PUM1: variants seen among roughly 807,000 people sequenced by gnomAD.
PUM1 encodes pumilio homolog 1.
A neutral mutation model predicts 131.8 loss-of-function variants in PUM1; 13 were observed. The ratio of observed to expected loss-of-function variants is 0.10; its 90% confidence interval spans 0.06 to 0.16. PUM1 has a LOEUF of 0.16. PUM1 is among the 10% of genes least tolerant of loss of function. The probability of loss-of-function intolerance (pLI) is 1.00; values close to 1 mark genes in which losing one functional copy is unlikely to be tolerated. For missense variants in PUM1, 961 were observed against 1,512.4 expected (o/e 0.64, Z 6.05); for synonymous variants, 509 against 556.5 (o/e 0.91, Z 1.20).
At chr1:30,964,039 T>C (rs978536157) in intron 14 of PUM1, among the ~76,000 whole-genome samples, 11 of 152,332 alleles carry the variant, frequency 7.2e-5, no homozygotes, top group African/African-American at 2.4e-4. Context: ...TCTTATAGCC[T>C]GCTGCTTGGG....
chr1:30,977,033 AC>A (rs1641162257), intron 9 of PUM1, among the ~76,000 whole-genome samples: 1 of 152,242 alleles, frequency 6.6e-6, no homozygotes, highest in Non-Finnish European at 1.5e-5. Flanking sequence ...CAGAAGTGTT[AC>A]CGATTTCAGA....
intron 16 of PUM1, among the ~76,000 whole-genome samples, chr1:30,950,629 G>A (rs898904888): frequency 1.3e-5 from 2 of 152,374 alleles, no homozygotes; most frequent in African/African-American, 4.8e-5. Flanking sequence ...GGAGGCCAAG[G>A]AGGGTGGATC....
At chr1:30,999,676 C>T (rs1355040133) in intron 5 of PUM1, among the ~76,000 whole-genome samples, 1 of 139,818 alleles carries the variant, frequency 7.2e-6, no homozygotes, top group African/African-American at 2.6e-5. Flanking sequence ...AACCTACATT[C>T]TATCTCAACT....
intron 2 of PUM1, among the ~76,000 whole-genome samples, chr1:31,044,950 A>C (rs1347305459): frequency 6.6e-6 from 1 of 152,000 alleles, no homozygotes; most frequent in Non-Finnish European, 1.5e-5. Flanking sequence ...CCTGGGATTA[A>C]AGGCATGCGC....
chr1:30,943,020 T>C (rs1415789824), intron 18 of PUM1, among the ~76,000 whole-genome samples: 1 of 152,212 alleles, frequency 6.6e-6, no homozygotes, highest in African/African-American at 2.4e-5. Flanking sequence ...CCTCCCAAAG[T>C]GCCTGGATTA....
intron 2 of PUM1, among the ~76,000 whole-genome samples, chr1:31,044,117 G>C (rs2124575557): frequency 6.6e-6 from 1 of 152,196 alleles, no homozygotes; most frequent in South Asian, 2.1e-4. Flanking sequence ...AAAATAAAAA[G>C]AAGGCCGGGC....
chr1:31,020,560 A>G (rs1410659338), intron 3 of PUM1, among the ~76,000 whole-genome samples: 1 of 152,162 alleles, frequency 6.6e-6, no homozygotes, highest in African/African-American at 2.4e-5. Flanking sequence ...AAACATCTAG[A>G]TTGCTTCATG....
At chr1:31,041,832 C>G (rs1643825711) in intron 2 of PUM1, among the ~76,000 whole-genome samples, 1 of 151,946 alleles carries the variant, frequency 6.6e-6, no homozygotes, top group Non-Finnish European at 1.5e-5. Flanking sequence ...CTCCTATATT[C>G]CTTTATAGCA....
At position 30,976,108 on chromosome 1, in the gene PUM1, T is replaced by A. The variant is rs1570179442; in HGVS notation, c.1355-1306A>T. ...TGTCTCCAAAAAAAAAAAAAAAAAT[T>A]AAGCATTCTGCTTTAATCCAAATTA... On this transcript the variant is annotated intron_variant, in intron 9 of 21. Coordinates refer to ENST00000426105, the MANE Select transcript of PUM1 (RefSeq NM_001020658.2). Among the ~76,000 whole-genome samples the A allele has an allele frequency of 2.0e-5, 3 of 146,358 alleles. No homozygotes were observed. The East Asian group carries it at 6.2e-4, about 30-fold the overall frequency.
At chr1:30,935,545 C>A in intron 21 of PUM1, 1 of 405,144 alleles carries the variant, frequency 2.5e-6, no homozygotes, top group South Asian at 1.8e-5. Context: ...TACTTACCTC[C>A]AACATTCCCT....
chr1:31,013,242 G>A (rs1171669986), intron 3 of PUM1, among the ~76,000 whole-genome samples: 1 of 152,248 alleles, frequency 6.6e-6, no homozygotes, highest in Non-Finnish European at 1.5e-5. Context: ...GCAGAGGCAA[G>A]ACAATTATTG....
chr1:31,014,991 G>C (rs943785569), intron 3 of PUM1, among the ~76,000 whole-genome samples: 6 of 152,010 alleles, frequency 3.9e-5, no homozygotes, highest in African/African-American at 1.5e-4. Context: ...AAGCAAACAA[G>C]TTGTAGTACA....
chr1:30,962,773 T>C (rs371064335), intron 14 of PUM1, among the ~76,000 whole-genome samples: 2 of 152,358 alleles, frequency 1.3e-5, no homozygotes, highest in African/African-American at 4.8e-5. Context: ...ATTTACATTT[T>C]GTCTGTGGTT....
intron 2 of PUM1, among the ~76,000 whole-genome samples, chr1:31,039,517 C>A (rs897643680): frequency 6.6e-6 from 1 of 152,114 alleles, no homozygotes; most frequent in African/African-American, 2.4e-5. Flanking sequence ...GCCACTGCAC[C>A]CAGCCTACCC....
intron 20 of PUM1, among the ~76,000 whole-genome samples, chr1:30,939,750 T>C (rs913487906): frequency 1.3e-5 from 2 of 152,136 alleles, no homozygotes; most frequent in Admixed American, 6.5e-5. Flanking sequence ...CCCAGCTACT[T>C]AGGAGGTTGA....
chr1:30,981,699 T>C (rs757036444), intron 7 of PUM1, among the ~76,000 whole-genome samples: 2 of 144,826 alleles, frequency 1.4e-5, no homozygotes, highest in South Asian at 2.3e-4. Context: ...CACACACACA[T>C]ATGAGATATC....
Position 30,950,086 on chromosome 1 carries a change from A to G in PUM1, c.2856+41T>C, listed in dbSNP as rs753237316. ...AGGGTTCACTACATGTACCATGGAG[A>G]AACATCAAACACCAAGAGAAAAGTT... On this transcript the variant is annotated intron_variant, in intron 17 of 21. Transcript: ENST00000426105. 1.4e-5 allele frequency: 23 copies of G among 1,594,478 alleles called. No homozygotes were observed. The Admixed American group carries it at 4.0e-4, about 28-fold the overall frequency.
At chr1:30,970,611 C>G (rs539245762) in intron 10 of PUM1, among the ~76,000 whole-genome samples, 31 of 152,230 alleles carry the variant, frequency 2.0e-4, no homozygotes, top group African/African-American at 6.7e-4. Flanking sequence ...GGGGGCTGTA[C>G]AGGTGAGTTT....
At chr1:30,974,596 T>C (rs1020648356) in intron 10 of PUM1, 55 bp downstream of exon 10, 1 of 1,488,344 alleles carries the variant, frequency 6.7e-7, no homozygotes, top group Admixed American at 2.3e-5. Flanking sequence ...TACCTATTAA[T>C]TATCCACAAT....
Sources: gnomAD v4.1 joint callset for allele counts (sites outside exome capture counted in the v4.1 genomes callset) on GRCh38, gnomAD v4.1.1 for gene constraint, MANE v1.5 for transcripts, NCBI Gene and HGNC (gene_info 2026-07-23, HGNC 2026-07-21) for gene names.